The following RBFOX1 variants were observed in gnomAD, a reference collection of about 807,000 sequenced individuals.
RBFOX1 encodes the protein RNA binding fox-1 homolog 1.
A neutral mutation model predicts 57.7 loss-of-function variants in RBFOX1; 8 were observed. The ratio of observed to expected loss-of-function variants is 0.14; its 90% CI spans 0.08 to 0.25. The LOEUF is 0.25. RBFOX1 is among the 10% of genes least tolerant of loss of function. The pLI is 1.00. For missense variants in RBFOX1, 611 were observed against 548.5 expected (o/e 1.11, Z -1.14); for synonymous variants, 326 against 222.4 (o/e 1.47, Z -4.15).
intron 4 of RBFOX1, among the ~76,000 whole-genome samples, chr16:7,092,664 G>A (rs923963847): frequency 6.6e-6 from 1 of 152,174 alleles, no homozygotes; most frequent in African/African-American, 2.4e-5. Context: ...AGCCTTTACG[G>A]ACTTGGGCAC....
At chr16:7,672,059 T>C (rs764302685) in intron 13 of RBFOX1, among the ~76,000 whole-genome samples, 18 of 152,148 alleles carry the variant, frequency 1.2e-4, no homozygotes, top group Non-Finnish European at 2.5e-4. Flanking sequence ...AAATCAAGAA[T>C]CTCATGTGCA....
At chr16:6,912,447 T>C (rs753100613) in intron 3 of RBFOX1, among the ~76,000 whole-genome samples, 21 of 152,272 alleles carry the variant, frequency 1.4e-4, no homozygotes, top group South Asian at 4.2e-4. Flanking sequence ...TAAAGATTTT[T>C]CAGGATCCTT....
intron 11 of RBFOX1, among the ~76,000 whole-genome samples, chr16:7,639,685 C>G (rs940645052): frequency 6.6e-6 from 1 of 152,142 alleles, no homozygotes; most frequent in Admixed American, 6.5e-5. Flanking sequence ...GAGACTTATT[C>G]ACTGTTAGCA....
At chr16:6,133,641 C>T (rs2096645557) in intron 1 of RBFOX1, among the ~76,000 whole-genome samples, 1 of 152,166 alleles carries the variant, frequency 6.6e-6, no homozygotes, top group African/African-American at 2.4e-5. Context: ...GGTGGCTTCC[C>T]ATTGCTCTTT....
At chr16:6,689,304 GATAGA>G (rs1173383939) in intron 3 of RBFOX1, among the ~76,000 whole-genome samples, 6 of 152,092 alleles carry the variant, frequency 3.9e-5, no homozygotes, top group Admixed American at 1.3e-4. Context: ...CACATGAAGT[GATAGA>G]ATAGACTTTG....
chr16:7,378,701 T>A (rs937245443), intron 4 of RBFOX1, among the ~76,000 whole-genome samples: 1 of 152,178 alleles, frequency 6.6e-6, no homozygotes, highest in African/African-American at 2.4e-5. Context: ...ACTTCCTTTT[T>A]CCCTGCATCC....
chr16:5,491,300 C>T (rs568370337), intron 2 of RBFOX1, among the ~76,000 whole-genome samples: 1 of 152,188 alleles, frequency 6.6e-6, no homozygotes, highest in Non-Finnish European at 1.5e-5. Flanking sequence ...CACCTAGCGA[C>T]TCGGCAGCCA....
chr16:5,663,600 A>G (rs2049730394), intron 3 of RBFOX1, among the ~76,000 whole-genome samples: 1 of 152,178 alleles, frequency 6.6e-6, no homozygotes, highest in Non-Finnish European at 1.5e-5. Context: ...TCAACACTGC[A>G]TCATTCAAAG....
intron 3 of RBFOX1, chr16:6,722,005 T>G (rs2066100013): frequency 6.6e-6 from 1 of 152,606 alleles, no homozygotes; most frequent in African/African-American, 2.4e-5. Context: ...GTATCAAAAT[T>G]TCCTTCCTAT....
chr16:5,734,096 C>A (rs1368995098), intron 3 of RBFOX1, among the ~76,000 whole-genome samples: 2 of 152,166 alleles, frequency 1.3e-5, no homozygotes, highest in Non-Finnish European at 2.9e-5. Context: ...AAACTCCATC[C>A]TTACGCCCTA....
At chr16:7,395,575 C>A (rs1048174445) in intron 4 of RBFOX1, among the ~76,000 whole-genome samples, 1 of 152,136 alleles carries the variant, frequency 6.6e-6, no homozygotes, top group Non-Finnish European at 1.5e-5. Context: ...AAGCAGAAAA[C>A]AAGGCGAGAC....
At chr16:6,768,808 A>C (rs1239678717) in intron 3 of RBFOX1, among the ~76,000 whole-genome samples, 2 of 150,540 alleles carry the variant, frequency 1.3e-5, no homozygotes, top group South Asian at 4.2e-4. Context: ...AGCTCACTGC[A>C]ACCTCTGTCT....
At chr16:5,441,331 C>T (rs924040740) in intron 1 of RBFOX1, among the ~76,000 whole-genome samples, 13 of 150,850 alleles carry the variant, frequency 8.6e-5, no homozygotes, top group African/African-American at 2.4e-4. Context: ...TAAAGACATA[C>T]CTGAGACTGG....
intron 4 of RBFOX1, among the ~76,000 whole-genome samples, chr16:7,201,494 T>TC (rs1656210681): frequency 6.6e-6 from 1 of 151,232 alleles, no homozygotes; most frequent in Non-Finnish European, 1.5e-5. Flanking sequence ...ACAGTTTTGC[T>TC]CTTGTCGCCC....
intron 1 of RBFOX1, among the ~76,000 whole-genome samples, chr16:6,169,120 C>T (rs1004667476): frequency 6.6e-6 from 1 of 152,112 alleles, no homozygotes; most frequent in Non-Finnish European, 1.5e-5. Context: ...TGACTCCAGG[C>T]AGATTAGCAA....
chr16:7,011,898 T>G (rs2093670992), intron 3 of RBFOX1, among the ~76,000 whole-genome samples: 1 of 152,178 alleles, frequency 6.6e-6, no homozygotes, highest in Non-Finnish European at 1.5e-5. Flanking sequence ...CAAGTGGTAT[T>G]GCATGCTCTT....
chr16:5,984,966 ATATATATATATT>A (rs1359226903), intron 4 of RBFOX1, among the ~76,000 whole-genome samples: 1,357 of 56,488 alleles, frequency 0.024, 9 homozygotes, highest in African/African-American at 0.051. Flanking sequence ...ATATATATAT[ATATATATATATT>A]TTTTTTTTTT....
At chr16:7,403,934 T>C (rs898963018) in intron 4 of RBFOX1, among the ~76,000 whole-genome samples, 2 of 150,422 alleles carry the variant, frequency 1.3e-5, no homozygotes, top group South Asian at 4.2e-4. Context: ...TATAACCTTT[T>C]TAATTCATTC....
chr16:6,752,617 C>G (rs1271000371), intron 3 of RBFOX1, among the ~76,000 whole-genome samples: 4 of 152,198 alleles, frequency 2.6e-5, no homozygotes, highest in Non-Finnish European at 5.9e-5. Context: ...ATTATGGCAT[C>G]TTGCCATAAT....
Sources: gnomAD v4.1 joint callset for allele counts (sites outside exome capture counted in the v4.1 genomes callset) on GRCh38, gnomAD v4.1.1 for gene constraint, MANE v1.5 for transcripts, NCBI Gene and HGNC (gene_info 2026-07-23, HGNC 2026-07-21) for gene names.